MDGA2: variants seen among roughly 807,000 people sequenced by gnomAD.
MDGA2 encodes MAM domain containing glycosylphosphatidylinositol anchor 2, also known as MAM domain-containing glycosylphosphatidylinositol anchor protein 2.
A neutral mutation model predicts 117.8 loss-of-function variants in MDGA2; 40 were observed. The ratio of observed to expected loss-of-function variants is 0.34; its 90% CI spans 0.26 to 0.44. The LOEUF (loss-of-function observed/expected upper bound fraction) is 0.44, where lower values mean the gene tolerates loss of function less well. Among genes scored for constraint, MDGA2 ranks in the 20% least tolerant of loss-of-function variants. The pLI, the probability that MDGA2 is intolerant of heterozygous loss-of-function variation, is 1.00. For missense variants in MDGA2, 1,123 were observed against 1,250.6 expected, an observed-to-expected ratio of 0.90 and a Z score of 1.54; for synonymous variants, 452 against 439.0, an observed-to-expected ratio of 1.03 and a Z score of -0.37.
chr14:47,015,852 T>C (rs1420119393), intron 8 of MDGA2, among the ~76,000 whole-genome samples: 1 of 151,768 alleles, frequency 6.6e-6, no homozygotes, highest in Non-Finnish European at 1.5e-5. Flanking sequence ...AAATGCAGAA[T>C]TACAGAAATC....
At chr14:47,663,603 T>A (rs930062541) in intron 1 of MDGA2, among the ~76,000 whole-genome samples, 4 of 152,204 alleles carry the variant, frequency 2.6e-5, no homozygotes, top group Non-Finnish European at 4.4e-5. Flanking sequence ...GTGAGCAAAG[T>A]CCCACTCAGT....
intron 7 of MDGA2, among the ~76,000 whole-genome samples, chr14:47,058,334 G>A (rs1889758203): frequency 6.6e-6 from 1 of 152,148 alleles, no homozygotes. Flanking sequence ...CCACAAGTCA[G>A]CTACTGACCA....
In MDGA2 at chr14:47,409,859, G is replaced by T. The variant is rs1266967498; in HGVS notation, c.281-108309C>A. 3.9e-5 allele frequency among the ~76,000 whole-genome samples: 6 copies of T among 152,216 alleles called. No individual in the cohort carries two copies. In the East Asian group the frequency reaches 1.2e-3, roughly 29 times the overall value. ...GCTTTGTGGGTTGGAGCATTCTAAA[G>T]AAACAGCGTGGACCAATTCAATAAG... is the stretch of plus-strand genomic sequence containing the variant. On this transcript the variant is annotated intron_variant, in intron 1 of 16. Coordinates refer to ENST00000399232, the MANE Select transcript of MDGA2 (RefSeq NM_001113498.3).
At chr14:47,286,137 T>C (rs1888663089) in intron 2 of MDGA2, among the ~76,000 whole-genome samples, 1 of 152,102 alleles carries the variant, frequency 6.6e-6, no homozygotes, top group Non-Finnish European at 1.5e-5. Context: ...GGAGTACATG[T>C]GATGTTTTGA....
chr14:47,506,471 G>A (rs558311844), intron 1 of MDGA2, among the ~76,000 whole-genome samples: 4 of 152,154 alleles, frequency 2.6e-5, no homozygotes, highest in East Asian at 1.9e-4. Flanking sequence ...TGCTTGCCCC[G>A]GACTTCGTAT....
chr14:47,339,411 A>C (rs12884235), intron 1 of MDGA2, among the ~76,000 whole-genome samples: 4,093 of 152,240 alleles, frequency 0.027, 70 homozygotes, highest in Middle Eastern at 0.065. Flanking sequence ...AATCTCATGT[A>C]GGAATTTAAT....
At chr14:47,181,447 T>C (rs1884702297) in intron 3 of MDGA2, among the ~76,000 whole-genome samples, 1 of 151,742 alleles carries the variant, frequency 6.6e-6, no homozygotes, top group African/African-American at 2.4e-5. Flanking sequence ...TATGCAGTCA[T>C]AAAAACAAAT....
At chr14:47,576,842 A>G (rs1896124116) in intron 1 of MDGA2, among the ~76,000 whole-genome samples, 1 of 152,104 alleles carries the variant, frequency 6.6e-6, no homozygotes, top group Non-Finnish European at 1.5e-5. Context: ...TCGACCTCCC[A>G]GGCCTAAGCA....
chr14:47,035,433 T>C, intron 7 of MDGA2, 129 bp from the exon 8 acceptor site: 1 of 720,450 alleles, frequency 1.4e-6, no homozygotes, highest in South Asian at 1.9e-5. Flanking sequence ...ATCAAAAACC[T>C]TGGGAATAAA....
chr14:47,588,993 T>C (rs981510722), intron 1 of MDGA2, among the ~76,000 whole-genome samples: 5 of 151,898 alleles, frequency 3.3e-5, no homozygotes, highest in African/African-American at 4.8e-5. Flanking sequence ...CATTTCCTCC[T>C]CTGATTACAA....
rs141409565 is a variant in MDGA2, at chr14:46,897,064, A to G, written c.2239-14843T>C. 5.2e-3 allele frequency among the ~76,000 whole-genome samples: 796 copies of G among 152,286 alleles called. 2 individuals carry two copies. Among genetic ancestry groups the G allele is most frequent in the Non-Finnish European group, 7.7e-3 (523 of 68,016 alleles). On this transcript the variant is annotated intron_variant, in intron 10 of 16. Transcript: ENST00000399232. ...ATGCCTCCCAAATGGCACAAAGTAA[A>G]TCGATAATTGAACCAATCAATGACA...
rs143276952 is a variant in MDGA2 at position 47,463,618 on chromosome 14, T to C, written c.281-162068A>G. ...TTTGAAAAATGAGAAAATTCACATA[T>C]GTAAAGAGAGGGGTAGGGGATTATC... On this transcript the variant is annotated intron_variant, in intron 1 of 16. Coordinates refer to ENST00000399232, the MANE Select transcript of MDGA2 (RefSeq NM_001113498.3). 6.8e-4 allele frequency among the ~76,000 whole-genome samples: 104 copies of C among 152,182 alleles called. 2 individuals are homozygous for C. The East Asian group carries it at 0.015, about 22-fold the overall frequency.
At chr14:47,165,116 G>C (rs1294042786) in intron 3 of MDGA2, among the ~76,000 whole-genome samples, 1 of 152,082 alleles carries the variant, frequency 6.6e-6, no homozygotes, top group Non-Finnish European at 1.5e-5. Context: ...TGGGGGCAGG[G>C]GGTAGGGATA....
At chr14:47,302,231 AAGGGGCC>A (rs1355169490) in intron 1 of MDGA2, among the ~76,000 whole-genome samples, 1 of 152,162 alleles carries the variant, frequency 6.6e-6, no homozygotes, top group Non-Finnish European at 1.5e-5. Flanking sequence ...CTTCAGTGCC[AAGGGGCC>A]AGTAAAATTT....
At chr14:47,162,086 C>A (rs544172661) in intron 3 of MDGA2, among the ~76,000 whole-genome samples, 1 of 151,832 alleles carries the variant, frequency 6.6e-6, no homozygotes, top group East Asian at 1.9e-4. Context: ...GCTGGGACTA[C>A]AGGTGCTTGC....
At chr14:47,333,192 T>C (rs898402617) in intron 1 of MDGA2, among the ~76,000 whole-genome samples, 23 of 151,904 alleles carry the variant, frequency 1.5e-4, no homozygotes, top group African/African-American at 5.6e-4. Context: ...GGTAGTTCTA[T>C]TTTTAATTAT....
chr14:47,378,145 G>T (rs187696293), intron 1 of MDGA2, among the ~76,000 whole-genome samples: 1 of 152,288 alleles, frequency 6.6e-6, no homozygotes, highest in East Asian at 1.9e-4. Flanking sequence ...GCAGCTGAGG[G>T]TCCTGACTGT....
intron 9 of MDGA2, 26 bp from the exon 10 acceptor site, chr14:46,920,186 T>A: frequency 1.2e-6 from 2 of 1,601,282 alleles, no homozygotes; most frequent in Middle Eastern, 1.7e-4. Context: ...GTGCTTAAAT[T>A]TGAATGATGA....
At chr14:47,082,252 G>A (rs1234627561) in intron 6 of MDGA2, among the ~76,000 whole-genome samples, 5 of 150,758 alleles carry the variant, frequency 3.3e-5, no homozygotes, top group Admixed American at 6.6e-5. Context: ...AAAAACCAAT[G>A]AGATTTTTTT....
Sources: allele counts gnomAD v4.1 joint callset (sites outside exome capture counted in the v4.1 genomes callset), GRCh38; gene constraint gnomAD v4.1.1; transcripts MANE v1.5; gene names NCBI Gene and HGNC (gene_info 2026-07-23, HGNC 2026-07-21).